RNF4: variants seen among roughly 807,000 people sequenced by gnomAD.
The protein encoded by RNF4 is ring finger protein 4.
Under a neutral mutation model 24.3 loss-of-function variants are expected in RNF4, and 7 were observed. That is an observed-to-expected ratio of 0.29 (90% CI 0.16 to 0.54). RNF4 has a LOEUF of 0.54. RNF4 is among the 20% of genes least tolerant of loss of function. RNF4 has a pLI of 0.95. For synonymous variants in RNF4, 83 were observed against 84.3 expected (o/e 0.98, Z 0.09); for missense variants, 209 against 248.5 (o/e 0.84, Z 1.07).
At chr4:2,507,187 TGGAAGGAA>T (rs536611656) in intron 4 of RNF4, among the ~76,000 whole-genome samples, 1 of 141,274 alleles carries the variant, frequency 7.1e-6, no homozygotes, top group African/African-American at 2.6e-5. Context: ...AAGGCTTTTC[TGGAAGGAA>T]GGAAGGAAGA....
At chr4:2,505,590 G>A (rs551354205) in intron 4 of RNF4, 4 of 151,598 alleles carry the variant, frequency 2.6e-5, no homozygotes, top group South Asian at 2.1e-4. Context: ...CTCCCAAAGT[G>A]CTGGGATTAT....
At chr4:2,493,110 T>A (rs1735628613) in intron 2 of RNF4, among the ~76,000 whole-genome samples, 1 of 152,038 alleles carries the variant, frequency 6.6e-6, no homozygotes, top group South Asian at 2.1e-4. Context: ...TGAGCCTGTC[T>A]TGAGTGGTGC....
intron 3 of RNF4, chr4:2,499,333 C>T (rs1349447336): frequency 6.7e-6 from 3 of 447,886 alleles, no homozygotes; most frequent in Non-Finnish European, 1.3e-5. Flanking sequence ...CTCTTGTTGC[C>T]CAGGCTGGGG....
At chr4:2,495,820 C>T (rs557053050) in intron 2 of RNF4, among the ~76,000 whole-genome samples, 14 of 152,208 alleles carry the variant, frequency 9.2e-5, no homozygotes, top group Non-Finnish European at 1.8e-4. Flanking sequence ...TTAGTAGAGA[C>T]GGGTTTCACC....
chr4:2,488,323 G>A (rs1735475197), intron 1 of RNF4, among the ~76,000 whole-genome samples: 2 of 152,164 alleles, frequency 1.3e-5, no homozygotes, highest in Admixed American at 1.3e-4. Context: ...AATTAGCCTG[G>A]TGTGGTGGCA....
intron 1 of RNF4, chr4:2,480,490 C>G (rs1346260612): frequency 2.0e-5 from 3 of 151,710 alleles, no homozygotes; most frequent in Non-Finnish European, 2.9e-5. Flanking sequence ...CCAGGTTGGT[C>G]TCAAACTCCC....
At chr4:2,509,904 A>G (rs918194597) in intron 4 of RNF4, among the ~76,000 whole-genome samples, 1 of 152,112 alleles carries the variant, frequency 6.6e-6, no homozygotes. Flanking sequence ...CCACAGAAGA[A>G]TTTGCTTTTG....
intron 1 of RNF4, chr4:2,469,825 G>GCGCTTCCGGGCC (rs1734840615): frequency 6.6e-6 from 1 of 152,544 alleles, no homozygotes; most frequent in Non-Finnish European, 1.5e-5. Flanking sequence ...ATTTCCGGGC[G>GCGCTTCCGGGCC]CGCTTCCGGG....
intron 4 of RNF4, among the ~76,000 whole-genome samples, chr4:2,511,284 C>T (rs1161061266): frequency 8.5e-5 from 10 of 117,466 alleles, no homozygotes; most frequent in Admixed American, 1.8e-4. Context: ...AAGGAAGGTC[C>T]CCAGGTCTTG....
chr4:2,488,022 C>T (rs141640314), intron 1 of RNF4, among the ~76,000 whole-genome samples: 195 of 152,314 alleles, frequency 1.3e-3, no homozygotes, highest in African/African-American at 4.6e-3. Context: ...CACTTAGTTC[C>T]TAACTTCGTT....
At position 2,484,183 on chromosome 4, in the gene RNF4, T is replaced by C. The variant is rs1392840478; in HGVS notation, c.-157-6154T>C. On this transcript the variant is annotated intron_variant, in intron 1 of 7. Transcript: ENST00000314289. ...ATCAGACTCTGCCTCCCAGGTGGGG[T>C]TTGAGGGTTCTGTGTACCTGGTGTA... Among the ~76,000 whole-genome samples the C allele has an allele frequency of 2.0e-5, 3 of 150,880 alleles. No individual in the cohort carries two copies. In the East Asian group the frequency reaches 5.9e-4, roughly 29 times the overall value.
rs973766322 is a variant in RNF4 at position 2,512,900 on chromosome 4, T to G, written c.375-183T>G. Reference sequence around the variant, plus strand: ...CTCAGGTTGTGTGCACCTTCTCATGTTCACCCTCCCACATGCCCTTGGGGC... The same window carrying G: ...CTCAGGTTGTGTGCACCTTCTCATGGTCACCCTCCCACATGCCCTTGGGGC... On this transcript the variant is annotated intron_variant, in intron 6 of 7. Transcript: ENST00000314289. The surrounding 1 kb of genome is among the most constrained non-coding windows in gnomAD (Gnocchi z 4.1). Among the ~76,000 whole-genome samples the G allele has an allele frequency of 6.6e-6, 1 of 152,106 alleles. No individual in the cohort carries two copies. Among genetic ancestry groups the G allele is most frequent in the African/African-American group, 2.4e-5 (1 of 41,418 alleles).
chr4:2,496,079 G>A (rs1735727890), intron 2 of RNF4, among the ~76,000 whole-genome samples: 1 of 152,218 alleles, frequency 6.6e-6, no homozygotes, highest in African/African-American at 2.4e-5. Flanking sequence ...TCAACCAGCT[G>A]AGAGCCTGAA....
intron 4 of RNF4, among the ~76,000 whole-genome samples, chr4:2,503,202 G>T (rs935501044): frequency 2.6e-5 from 4 of 152,146 alleles, no homozygotes; most frequent in African/African-American, 9.7e-5. Context: ...TGACTAAGCT[G>T]CTCTTGCTAA....
intron 3 of RNF4, chr4:2,499,549 T>A (rs1578517443): frequency 3.9e-6 from 1 of 257,744 alleles, no homozygotes; most frequent in East Asian, 1.5e-4. Context: ...GTGCTGGGAT[T>A]ACAGGTGTGA....
At chr4:2,480,836 C>T (rs192166209) in intron 1 of RNF4, 34 of 152,230 alleles carry the variant, frequency 2.2e-4, no homozygotes, top group African/African-American at 7.9e-4. Context: ...CTTTGAGGTC[C>T]AAAGTCAGGT....
chr4:2,474,468 T>C (rs1299612756), intron 1 of RNF4, among the ~76,000 whole-genome samples: 1 of 152,154 alleles, frequency 6.6e-6, no homozygotes, highest in East Asian at 1.9e-4. Context: ...GGAGAGTTGC[T>C]TCCTGTGGAC....
chr4:2,490,550 C>G, intron 2 of RNF4, 48 bp downstream of exon 2: 1 of 1,575,182 alleles, frequency 6.3e-7, no homozygotes, highest in East Asian at 2.2e-5. Context: ...GGCTAATTAA[C>G]TACCTTATTC....
At chr4:2,484,001 A>G (rs954466125) in intron 1 of RNF4, among the ~76,000 whole-genome samples, 1 of 114,910 alleles carries the variant, frequency 8.7e-6, no homozygotes, top group African/African-American at 3.4e-5. Context: ...TAATTGTTGT[A>G]TTTTTAGTAG....
Sources: gnomAD v4.1 joint callset for allele counts (sites outside exome capture counted in the v4.1 genomes callset) on GRCh38, gnomAD v4.1.1 for gene constraint, Gnocchi (gnomAD v3.1) non-coding constraint, MANE v1.5 for transcripts, NCBI Gene and HGNC (gene_info 2026-07-23, HGNC 2026-07-21) for gene names.